Variants in AK4 observed in about 807,000 individuals in gnomAD.
The protein encoded by AK4 is adenylate kinase 4, mitochondrial.
Under a neutral mutation model 24.6 loss-of-function variants are expected in AK4, and 13 were observed. The observed-to-expected ratio is 0.53, with a 90% CI of 0.34 to 0.84. The LOEUF (loss-of-function observed/expected upper bound fraction) is 0.84. Ranked by LOEUF, AK4 falls within the 40% of genes least tolerant of loss-of-function variation. The probability of loss-of-function intolerance (pLI) is 0.01; values close to 1 mark genes in which losing one functional copy is unlikely to be tolerated. For synonymous variants in AK4, 88 were observed against 107.0 expected, an observed-to-expected ratio of 0.82 and a Z score of 1.10; for missense variants, 192 against 288.2, an observed-to-expected ratio of 0.67 and a Z score of 2.42.
chr1:65,161,946 C>T (rs1191037357), intron 1 of AK4, among the ~76,000 whole-genome samples: 1 of 151,996 alleles, frequency 6.6e-6, no homozygotes, highest in Non-Finnish European at 1.5e-5. Flanking sequence ...AGGAGTCAGG[C>T]GTGTGAAGAT....
rs75320139 is a variant in AK4 at position 65,172,545 on chromosome 1, A to G, written c.146-18165A>G. Among the ~76,000 whole-genome samples the G allele has an allele frequency of 3.7e-3, 563 of 152,286 alleles. 4 individuals are homozygous for G. Among genetic ancestry groups the G allele is most frequent in the African/African-American group, 0.013 (542 of 41,564 alleles). On this transcript the variant is annotated intron_variant, in intron 1 of 4. Coordinates refer to ENST00000327299, the MANE Select transcript of AK4 (RefSeq NM_013410.4). ...GTATGGAATCAAATAAGATGCAGAG[A>G]CTTGGGTATAGAATAAGCTTACGAA...
At chr1:65,159,737 A>C (rs1650092651) in intron 1 of AK4, among the ~76,000 whole-genome samples, 1 of 152,118 alleles carries the variant, frequency 6.6e-6, no homozygotes, top group Non-Finnish European at 1.5e-5. Flanking sequence ...TGGGAGGCCC[A>C]GGCAGGTGGA....
chr1:65,204,391 G>A (rs1651753610), intron 2 of AK4, among the ~76,000 whole-genome samples: 1 of 151,880 alleles, frequency 6.6e-6, no homozygotes, highest in Non-Finnish European at 1.5e-5. Context: ...GATAGAGACA[G>A]GGTTTCACCA....
At chr1:65,222,401 C>A (rs539786800) in intron 3 of AK4, among the ~76,000 whole-genome samples, 73 of 152,296 alleles carry the variant, frequency 4.8e-4, no homozygotes, top group African/African-American at 1.6e-3. Context: ...GGCTGCTTTT[C>A]ATTAAAGAGA....
intron 2 of AK4, among the ~76,000 whole-genome samples, chr1:65,205,073 T>C (rs558234406): frequency 6.6e-6 from 1 of 152,304 alleles, no homozygotes; most frequent in East Asian, 1.9e-4. Flanking sequence ...GGATATTTTT[T>C]TCGTCCCTCC....
chr1:65,150,008 CAGTG>C (rs1473524765), intron 1 of AK4, among the ~76,000 whole-genome samples: 1 of 152,148 alleles, frequency 6.6e-6, no homozygotes, highest in Non-Finnish European at 1.5e-5. Context: ...TGAAGGAAGA[CAGTG>C]AGAAGAGATG....
intron 1 of AK4, among the ~76,000 whole-genome samples, chr1:65,186,236 A>G (rs1430071065): frequency 6.6e-6 from 1 of 151,976 alleles, no homozygotes; most frequent in Non-Finnish European, 1.5e-5. Context: ...CTTGGGTTCA[A>G]ACTATTCTTG....
At chr1:65,200,033 A>G (rs897707873) in intron 2 of AK4, among the ~76,000 whole-genome samples, 2 of 111,510 alleles carry the variant, frequency 1.8e-5, no homozygotes, top group African/African-American at 9.9e-5. Flanking sequence ...AAGAGAGACC[A>G]CATGACTGCT....
At chr1:65,177,116 C>T (rs1650744233) in intron 1 of AK4, among the ~76,000 whole-genome samples, 1 of 152,118 alleles carries the variant, frequency 6.6e-6, no homozygotes, top group African/African-American at 2.4e-5. Flanking sequence ...GCTACAACTT[C>T]CTTTGGTTGA....
In AK4 at chr1:65,226,488, G is replaced by A. The variant is rs540954347; in HGVS notation, c.*311G>A. 4.3e-6 allele frequency: 1 copy of A among 234,954 alleles called. No individual in the cohort carries two copies. The highest frequency in any genetic ancestry group is 9.2e-5 in the East Asian group (1 of 10,820). 14.6% of individuals were successfully genotyped at this position (234,954 alleles called of 1,614,324 possible). On this transcript the variant is annotated 3_prime_UTR_variant, in exon 5 of 5. Coordinates refer to ENST00000327299, the MANE Select transcript of AK4 (RefSeq NM_013410.4). ...CAGCTCCAGCTGGTTTTTGACAGCTGTTGCTGTGGTAATATTTTTGACATG... is the reference window on the plus strand; with the variant it reads ...CAGCTCCAGCTGGTTTTTGACAGCTATTGCTGTGGTAATATTTTTGACATG...
intron 1 of AK4, among the ~76,000 whole-genome samples, chr1:65,172,106 T>G (rs1265941649): frequency 4.1e-5 from 5 of 120,584 alleles, no homozygotes; most frequent in African/African-American, 8.4e-5. Flanking sequence ...TATATATATT[T>G]AAACTCATTA....
In AK4 at chr1:65,226,076, C is replaced by G. The variant is rs770245271; in HGVS notation, c.571C>G (p.Leu191Val). Residue 191 changes from leucine to valine, a missense_variant, in exon 5 of 5, where the codon CTC becomes GTC. Leu to Val is a conservative substitution (Grantham distance 32). Coordinates refer to ENST00000327299, the MANE Select transcript of AK4 (RefSeq NM_013410.4). The stretch of plus-strand genomic sequence containing the variant: ...TTTGTTTTTCAGGAGCCGAGGAGTG[C>G]TCCACCAATTTTCCGGAACGGAGAC... ...VIELYKSRGV[L>V]HQFSGTETNK... 1 of 1,611,888 alleles carries G rather than the reference C, an allele frequency of 6.2e-7. No homozygotes were observed. Among genetic ancestry groups the G allele is most frequent in the Non-Finnish European group, 8.5e-7 (1 of 1,179,780 alleles).
intron 1 of AK4, among the ~76,000 whole-genome samples, chr1:65,159,751 C>CTT (rs1650093038): frequency 1.3e-5 from 2 of 151,968 alleles, no homozygotes; most frequent in Admixed American, 6.6e-5. Context: ...AGGTGGATCA[C>CTT]AAGGTCAGGA....
chr1:65,198,031 T>TA (rs1461086922), intron 2 of AK4, among the ~76,000 whole-genome samples: 6 of 152,144 alleles, frequency 3.9e-5, no homozygotes, highest in Non-Finnish European at 5.9e-5. Context: ...CTTTCATAAT[T>TA]AAAAAAACAG....
At chr1:65,150,758 C>T (rs1649744504) in intron 1 of AK4, among the ~76,000 whole-genome samples, 1 of 152,146 alleles carries the variant, frequency 6.6e-6, no homozygotes, top group East Asian at 1.9e-4. Flanking sequence ...GGAAATAGAA[C>T]CGTGTAGGAA....
chr1:65,218,630 A>G, intron 2 of AK4, 124 bp from the exon 3 acceptor site: 1 of 888,274 alleles, frequency 1.1e-6, no homozygotes, highest in Non-Finnish European at 1.6e-6. Context: ...CCCATCACCC[A>G]GATAGTGTAA....
chr1:65,224,783 T>C lies in AK4; in HGVS notation c.470T>C (p.Val157Ala). 2.5e-6 allele frequency: 4 copies of C among 1,613,534 alleles called. No homozygotes were observed. The highest frequency in any genetic ancestry group is 2.5e-6 in the Non-Finnish European group (3 of 1,179,920). The change falls in exon 4 of 5, where the codon GTC (valine) becomes GCC (alanine). Residue 157 changes from valine (V) to alanine (A), a missense_variant. By Grantham distance (64) the Val-to-Ala change is moderately conservative. Transcript: ENST00000327299. ...GIDDVTGEPLVQQEDDKPEAV... is the reference protein window; with the variant it reads ...GIDDVTGEPLAQQEDDKPEAV... Reference sequence around the variant, plus strand: ...GATGACGTCACTGGTGAACCGTTAGTCCAGCAGGAGGATGATAAACCCGAA... The same window carrying C: ...GATGACGTCACTGGTGAACCGTTAGCCCAGCAGGAGGATGATAAACCCGAA...
At chr1:65,216,092 G>A (rs933414326) in intron 2 of AK4, among the ~76,000 whole-genome samples, 3 of 151,380 alleles carry the variant, frequency 2.0e-5, no homozygotes, top group African/African-American at 7.3e-5. Context: ...GGATAATTAT[G>A]TATAAATTAT....
At chr1:65,158,879 C>T (rs924447748) in intron 1 of AK4, among the ~76,000 whole-genome samples, 1 of 152,090 alleles carries the variant, frequency 6.6e-6, no homozygotes, top group Non-Finnish European at 1.5e-5. Context: ...ATTTTACCCC[C>T]TCCACTTGAT....
Sources: allele counts gnomAD v4.1 joint callset (sites outside exome capture counted in the v4.1 genomes callset), GRCh38; gene constraint gnomAD v4.1.1; transcripts MANE v1.5; gene names NCBI Gene and HGNC (gene_info 2026-07-23, HGNC 2026-07-21).